Variants in ZNF469 observed in about 807,000 individuals in gnomAD.
ZNF469 encodes zinc finger protein 469.
A neutral mutation model predicts 1.0 loss-of-function variants in ZNF469; 1 was observed. The ratio of observed to expected loss-of-function variants is 1.00; its 90% CI spans 0.35 to 4.73. The LOEUF is 4.73. ZNF469 is among the 30% of genes most tolerant of loss of function. ZNF469 has a pLI of 0.16. For synonymous variants in ZNF469, 2,703 were observed against 2,363.4 expected (o/e 1.14, Z -4.17); for missense variants, 6,100 against 5,356.3 (o/e 1.14, Z -4.33).
At chr16:88,129,036 C>A in the ZNF469 span, among the ~76,000 whole-genome samples, 1 of 152,246 alleles carries the variant, frequency 6.6e-6, no homozygotes, top group Admixed American at 6.5e-5. Flanking sequence ...CTTACAGGTA[C>A]AGCATTAAGT....
At chr16:88,197,430 A>G in the ZNF469 span, among the ~76,000 whole-genome samples, 2 of 152,238 alleles carry the variant, frequency 1.3e-5, no homozygotes, top group Non-Finnish European at 2.9e-5. Context: ...TAGAAGGTAC[A>G]CAGTTAATGT....
rs1469227235 is a variant in ZNF469 at position 88,433,730 on chromosome 16, C to T, written c.6260C>T (p.Ala2087Val). ...SGSEGRTPER[A>V]SSPGLNKPLL... ...TCTGAGGGCCGGACTCCAGAGAGGGCGTCCAGCCCCGGCCTGAACAAGCCA... is the reference window on the plus strand; with the variant it reads ...TCTGAGGGCCGGACTCCAGAGAGGGTGTCCAGCCCCGGCCTGAACAAGCCA... Residue 2087 changes from alanine to valine, a missense_variant, in exon 3 of 3, where the codon GCG (alanine) becomes GTG (valine). Physicochemically the swap from Ala to Val is moderately conservative, Grantham distance 64 (BLOSUM62 0). Coordinates refer to ENST00000565624, the MANE Select transcript of ZNF469 (RefSeq NM_001367624.2). 3.9e-6 allele frequency: 6 copies of T among 1,548,576 alleles called. No homozygotes were observed. In the East Asian group the frequency reaches 7.3e-5, roughly 19 times the overall value.
In ZNF469 at chr16:88,428,099, C is replaced by A. The variant is rs1302052402; in HGVS notation, c.629C>A (p.Pro210His). 3.9e-6 allele frequency: 6 copies of A among 1,549,742 alleles called. No individual in the cohort carries two copies. Among genetic ancestry groups the A allele is most frequent in the Non-Finnish European group, 5.2e-6 (6 of 1,146,690 alleles). Residue 210 changes from proline (P) to histidine (H), a missense_variant, in exon 3 of 3, where the codon CCC becomes CAC. By Grantham distance (77) the Pro-to-His change is moderately conservative. Coordinates refer to ENST00000565624, the MANE Select transcript of ZNF469 (RefSeq NM_001367624.2). ...SATPRPPAPGPPQSRGTSPLQ... is the reference protein window; with the variant it reads ...SATPRPPAPGHPQSRGTSPLQ... ...ACCCCCAGGCCCCCAGCCCCGGGGC[C>A]CCCCCAGAGCAGGGGCACCAGCCCC...
the ZNF469 span, among the ~76,000 whole-genome samples, chr16:88,242,646 GC>G: frequency 6.6e-6 from 1 of 152,272 alleles, no homozygotes; most frequent in Non-Finnish European, 1.5e-5. Context: ...ATGGGAGGAA[GC>G]TCCAGCCTGA....
chr16:88,340,800 T>G, the ZNF469 span, among the ~76,000 whole-genome samples: 1 of 151,784 alleles, frequency 6.6e-6, no homozygotes, highest in Non-Finnish European at 1.5e-5. Context: ...GAGAGGGTGA[T>G]GCACAGGGAG....
At chr16:88,112,517 C>T in the ZNF469 span, among the ~76,000 whole-genome samples, 1 of 152,174 alleles carries the variant, frequency 6.6e-6, no homozygotes, top group African/African-American at 2.4e-5. Flanking sequence ...CTTTGAGTTG[C>T]ATTTCTCTGA....
the ZNF469 span, among the ~76,000 whole-genome samples, chr16:88,354,919 A>G: frequency 1.3e-5 from 2 of 152,286 alleles, no homozygotes; most frequent in East Asian, 3.9e-4. Context: ...AGTCGAGTCC[A>G]GGGTCTCCAG....
chr16:88,173,119 G>T, the ZNF469 span, among the ~76,000 whole-genome samples: 3 of 152,270 alleles, frequency 2.0e-5, no homozygotes, highest in Admixed American at 6.5e-5. Context: ...TAAGAAGCTT[G>T]ATAAATCCCA....
the ZNF469 span, among the ~76,000 whole-genome samples, chr16:88,253,596 G>A: frequency 4.6e-5 from 7 of 151,110 alleles, no homozygotes; most frequent in Admixed American, 2.6e-4. Flanking sequence ...GCAGTGTAAT[G>A]GAGTGATCTC....
At chr16:88,152,173 T>C in the ZNF469 span, among the ~76,000 whole-genome samples, 1 of 152,182 alleles carries the variant, frequency 6.6e-6, no homozygotes, top group African/African-American at 2.4e-5. This position sits in a 1 kb window ranked among gnomAD's most constrained non-coding sequence, Gnocchi z 4.2. Flanking sequence ...CTGAGAACTG[T>C]AGCGAAAGGA....
At chr16:88,201,154 C>T in the ZNF469 span, among the ~76,000 whole-genome samples, 2 of 152,246 alleles carry the variant, frequency 1.3e-5, no homozygotes, top group Non-Finnish European at 2.9e-5. The surrounding 1 kb of genome is among the most constrained non-coding windows in gnomAD (Gnocchi z 5.0). Flanking sequence ...GTTTACCTGT[C>T]CGGACCAGGG....
the ZNF469 span, among the ~76,000 whole-genome samples, chr16:88,239,877 C>G: frequency 2.7e-5 from 4 of 148,786 alleles, no homozygotes; most frequent in Middle Eastern, 3.2e-3. Context: ...ACTGTGGTCT[C>G]TTAATGACAG....
chr16:88,436,267 G>T lies in ZNF469; in HGVS notation c.8797G>T (p.Gly2933Cys). 1 of 1,549,964 alleles carries T rather than the reference G, an allele frequency of 6.5e-7. No individual in the cohort carries two copies. The highest frequency in any genetic ancestry group is 8.7e-7 in the Non-Finnish European group (1 of 1,146,894). Reference protein sequence around the residue: ...EDPWEDEDPAGLPESFLLDGF... With the variant: ...EDPWEDEDPACLPESFLLDGF... ...CCCGTGGGAGGACGAGGATCCCGCA[G>T]GTCTGCCCGAGTCCTTCCTCCTGGA... is the stretch of plus-strand genomic sequence containing the variant. Residue 2933 changes from glycine to cysteine, a missense_variant, in exon 3 of 3, where the codon GGT (glycine) becomes TGT (cysteine). Transcript: ENST00000565624.
intron 1 of ZNF469, among the ~76,000 whole-genome samples, chr16:88,384,918 C>T (rs1178834684): frequency 1.3e-5 from 2 of 152,156 alleles, no homozygotes; most frequent in East Asian, 3.9e-4. Flanking sequence ...ATCACAGCAG[C>T]CTGTTCCAGC....
the ZNF469 span, among the ~76,000 whole-genome samples, chr16:88,322,353 C>T: frequency 1.4e-4 from 21 of 152,240 alleles, no homozygotes; most frequent in Non-Finnish European, 2.6e-4. Context: ...ACATGGGAGG[C>T]GGCTGCGAGG....
the ZNF469 span, among the ~76,000 whole-genome samples, chr16:88,133,056 G>T: frequency 1.3e-5 from 2 of 152,210 alleles, no homozygotes; most frequent in African/African-American, 4.8e-5. Context: ...ACCACACACA[G>T]GTTGGGGGCC....
At chr16:88,185,498 TACATGCAC>T in the ZNF469 span, among the ~76,000 whole-genome samples, 1 of 146,810 alleles carries the variant, frequency 6.8e-6, no homozygotes, top group African/African-American at 2.6e-5. Context: ...ATGACTATAA[TACATGCAC>T]ACATGCATAC....
At chr16:88,243,289 C>T in the ZNF469 span, among the ~76,000 whole-genome samples, 3 of 152,192 alleles carry the variant, frequency 2.0e-5, no homozygotes, top group African/African-American at 7.2e-5. Flanking sequence ...TCACTCTAAG[C>T]CTGCTCAGTC....
chr16:88,108,147 G>A, the ZNF469 span, among the ~76,000 whole-genome samples: 2 of 108,754 alleles, frequency 1.8e-5, no homozygotes, highest in Non-Finnish European at 1.9e-5. Flanking sequence ...GGGGATGTGG[G>A]GATGGGGGTC....
Sources: gnomAD v4.1 joint callset for allele counts (sites outside exome capture counted in the v4.1 genomes callset) on GRCh38, gnomAD v4.1.1 for gene constraint, Gnocchi (gnomAD v3.1) non-coding constraint, MANE v1.5 for transcripts, NCBI Gene and HGNC (gene_info 2026-07-23, HGNC 2026-07-21) for gene names.